Variants in FAM163A observed in about 807,000 individuals in gnomAD.
FAM163A encodes protein FAM163A.
A neutral mutation model predicts 12.0 loss-of-function variants in FAM163A; 7 were observed. The ratio of observed to expected loss-of-function variants is 0.58; its 90% CI spans 0.33 to 1.10. The LOEUF is 1.10. Ranked by LOEUF, FAM163A falls within the 50% of genes least tolerant of loss-of-function variation. The pLI is 0.03. For synonymous variants in FAM163A, 101 were observed against 91.0 expected, an observed-to-expected ratio of 1.11 and a Z score of -0.62; for missense variants, 202 against 218.6, an observed-to-expected ratio of 0.92 and a Z score of 0.48.
chr1:179,772,263 C>A (rs896174112), intron 1 of FAM163A, among the ~76,000 whole-genome samples: 10 of 152,190 alleles, frequency 6.6e-5, no homozygotes, highest in African/African-American at 2.4e-4. Flanking sequence ...GAGGTCCTGT[C>A]CCTGCTGTCC....
intron 1 of FAM163A, among the ~76,000 whole-genome samples, chr1:179,782,220 A>T (rs545382659): frequency 1.3e-5 from 2 of 151,886 alleles, no homozygotes; most frequent in Admixed American, 1.3e-4. Context: ...GCAGAGGCTG[A>T]GGCTGTTTTT....
At chr1:179,805,056 T>A (rs1408170613) in intron 1 of FAM163A, among the ~76,000 whole-genome samples, 2 of 152,250 alleles carry the variant, frequency 1.3e-5, no homozygotes, top group African/African-American at 2.4e-5. Context: ...AAAGCAACTT[T>A]AATTTTTTTT....
chr1:179,746,192 T>G (rs1253245348), intron 1 of FAM163A, among the ~76,000 whole-genome samples: 1 of 152,226 alleles, frequency 6.6e-6, no homozygotes, highest in Admixed American at 6.5e-5. Flanking sequence ...TTGGAGGGCA[T>G]TTTTGGAAAC....
rs112608193 is a variant in FAM163A at position 179,775,097 on chromosome 1, G to T, written c.-136+31674G>T. Among the ~76,000 whole-genome samples the T allele has an allele frequency of 4.7e-3, 719 of 152,324 alleles. 12 individuals are homozygous for T. The highest frequency in any genetic ancestry group is 0.017 in the African/African-American group (691 of 41,562). On this transcript the variant is annotated intron_variant, in intron 1 of 4. Transcript: ENST00000341785. The stretch of plus-strand genomic sequence containing the variant: ...GCAGCCAGCAGCAGCTCAAGGGCCT[G>T]GGTGCAGAATTTTCTTGGGTCCAAA...
chr1:179,775,867 G>A (rs1688888736), intron 1 of FAM163A, among the ~76,000 whole-genome samples: 1 of 152,230 alleles, frequency 6.6e-6, no homozygotes, highest in Admixed American at 6.5e-5. Context: ...AGCTTGTGAA[G>A]TAACTCTGTT....
At chr1:179,756,681 G>C (rs993731159) in intron 1 of FAM163A, among the ~76,000 whole-genome samples, 2 of 152,214 alleles carry the variant, frequency 1.3e-5, no homozygotes, top group Non-Finnish European at 2.9e-5. Context: ...TCCATAAGCA[G>C]GTGAGTGCCT....
chr1:179,780,653 T>C (rs12125387), intron 1 of FAM163A, among the ~76,000 whole-genome samples: 30,666 of 152,160 alleles, frequency 0.2, 3,849 homozygotes, highest in Non-Finnish European at 0.27. Context: ...ATGCACATTT[T>C]AACAGGTCCT....
chr1:179,808,634 A>G (rs1174331365), intron 2 of FAM163A, among the ~76,000 whole-genome samples: 2 of 152,224 alleles, frequency 1.3e-5, no homozygotes, highest in African/African-American at 4.8e-5. Flanking sequence ...AATCTTATAT[A>G]ATCTATTCAC....
At chr1:179,794,151 G>A (rs895659090) in intron 1 of FAM163A, among the ~76,000 whole-genome samples, 3 of 152,172 alleles carry the variant, frequency 2.0e-5, no homozygotes, top group Admixed American at 6.5e-5. Flanking sequence ...CAGCCTAATG[G>A]CAGCACCATA....
At chr1:179,773,452 T>C (rs904638676) in intron 1 of FAM163A, among the ~76,000 whole-genome samples, 1 of 152,222 alleles carries the variant, frequency 6.6e-6, no homozygotes, top group African/African-American at 2.4e-5. Flanking sequence ...GCACTATAGT[T>C]TTGCAAGATG....
chr1:179,784,474 G>T (rs908800409), intron 1 of FAM163A, among the ~76,000 whole-genome samples: 1 of 152,120 alleles, frequency 6.6e-6, no homozygotes, highest in African/African-American at 2.4e-5. Context: ...CTGTTGTGAG[G>T]GTGAACTAAA....
At chr1:179,731,003 ATTT>A in the FAM163A span, among the ~76,000 whole-genome samples, 1 of 152,156 alleles carries the variant, frequency 6.6e-6, no homozygotes, top group Non-Finnish European at 1.5e-5. Flanking sequence ...TTACTTTGGA[ATTT>A]TTATTTATTT....
intron 1 of FAM163A, among the ~76,000 whole-genome samples, chr1:179,801,799 T>C (rs1248418781): frequency 6.6e-6 from 1 of 152,196 alleles, no homozygotes; most frequent in Non-Finnish European, 1.5e-5. Context: ...GACCTGGTCA[T>C]TCCAGCATCC....
chr1:179,762,233 A>G (rs1171201500), intron 1 of FAM163A, among the ~76,000 whole-genome samples: 1 of 152,224 alleles, frequency 6.6e-6, no homozygotes, highest in Non-Finnish European at 1.5e-5. Flanking sequence ...GCTGCTACAA[A>G]TGAATGTGGC....
At position 179,813,095 on chromosome 1, in the gene FAM163A, C is replaced by A; in HGVS notation, c.-3C>A. 1.9e-6 allele frequency: 3 copies of A among 1,551,664 alleles called. No homozygotes were observed. The highest frequency in any genetic ancestry group is 2.6e-6 in the Non-Finnish European group (3 of 1,146,966). ...TTGCAGAGTTTGATGGGGCGCCGGG[C>A]GGATGACAGCGGGAACGGTTGTGAT... On this transcript the variant is annotated 5_prime_UTR_variant, in exon 4 of 5. Transcript: ENST00000341785.
At chr1:179,805,450 GCTTTAAC>G (rs1693797699) in intron 1 of FAM163A, among the ~76,000 whole-genome samples, 1 of 151,816 alleles carries the variant, frequency 6.6e-6, no homozygotes, top group Non-Finnish European at 1.5e-5. Flanking sequence ...AGCATTAATC[GCTTTAAC>G]CTGGTGGGGC....
chr1:179,772,435 G>A (rs1015349991), intron 1 of FAM163A, among the ~76,000 whole-genome samples: 1 of 152,166 alleles, frequency 6.6e-6, no homozygotes, highest in Non-Finnish European at 1.5e-5. Context: ...TCCATTTAAA[G>A]TTCTTAAAGT....
At chr1:179,733,139 T>C in the FAM163A span, among the ~76,000 whole-genome samples, 5 of 152,172 alleles carry the variant, frequency 3.3e-5, no homozygotes, top group Non-Finnish European at 7.4e-5. Context: ...ATTCTCACTA[T>C]GCTTAGGGCA....
intron 1 of FAM163A, among the ~76,000 whole-genome samples, chr1:179,748,956 T>C (rs1016739313): frequency 6.6e-6 from 1 of 152,250 alleles, no homozygotes; most frequent in Admixed American, 6.5e-5. Context: ...CCCCATAAAA[T>C]AGTCAACTAT....
Sources: gnomAD v4.1 joint callset for allele counts (sites outside exome capture counted in the v4.1 genomes callset) on GRCh38, gnomAD v4.1.1 for gene constraint, MANE v1.5 for transcripts, NCBI Gene and HGNC (gene_info 2026-07-23, HGNC 2026-07-21) for gene names.